Variants in SPTAN1 observed in about 807,000 individuals in gnomAD.
SPTAN1 encodes the protein spectrin alpha, non-erythrocytic 1, also known as spectrin alpha chain, non-erythrocytic 1.
Under a neutral mutation model 331.3 loss-of-function variants are expected in SPTAN1, and 61 were observed. That is an observed-to-expected ratio of 0.18 (90% CI 0.15 to 0.23). The LOEUF (loss-of-function observed/expected upper bound fraction) is 0.23, where lower values mean the gene tolerates loss of function less well. Among genes scored for constraint, SPTAN1 ranks in the 10% least tolerant of loss-of-function variants. The pLI, the probability that SPTAN1 is intolerant of heterozygous loss-of-function variation, is 1.00. For missense variants in SPTAN1, 2,043 were observed against 3,147.9 expected (o/e 0.65, Z 8.40); for synonymous variants, 1,153 against 1,173.9 (o/e 0.98, Z 0.36).
chr9:128,598,290 A>C, intron 24 of SPTAN1, 110 bp from the exon 25 acceptor site: 1 of 669,310 alleles, frequency 1.5e-6, no homozygotes, highest in East Asian at 3.3e-5. Flanking sequence ...TTTTTTTGGT[A>C]GGCCTCTGTA....
rs1890102 is a variant in SPTAN1, at chr9:128,554,295, A to G, written c.-4+1599A>G. Among the ~76,000 whole-genome samples the G allele has an allele frequency of 3.5e-3, 536 of 152,258 alleles. 2 individuals are homozygous for G. Among genetic ancestry groups the G allele is most frequent in the Middle Eastern group, 0.01 (3 of 294 alleles). ...TCTTATGGCAAACCATCAGCCTAGTAACTGATTCTCTGATATGCTTTGGTC... is the reference window on the plus strand; with the variant it reads ...TCTTATGGCAAACCATCAGCCTAGTGACTGATTCTCTGATATGCTTTGGTC... On this transcript the variant is annotated intron_variant, in intron 1 of 56. Coordinates refer to ENST00000372739, the MANE Select transcript of SPTAN1 (RefSeq NM_001130438.3).
chr9:128,628,198 T>G (rs1299651781), intron 51 of SPTAN1: 1 of 656,530 alleles, frequency 1.5e-6, no homozygotes, highest in Non-Finnish European at 2.8e-6. Context: ...GGGCTCACTT[T>G]GGGTAGGGAA....
intron 1 of SPTAN1, among the ~76,000 whole-genome samples, chr9:128,562,250 G>T (rs1849463166): frequency 6.6e-6 from 1 of 152,150 alleles, no homozygotes; most frequent in East Asian, 1.9e-4. Flanking sequence ...CTACAGGCGC[G>T]TGCCACCACA....
intron 32 of SPTAN1, 48 bp downstream of exon 32, chr9:128,607,751 G>A: frequency 6.2e-7 from 1 of 1,611,086 alleles, no homozygotes. Context: ...TGCTCTGCAG[G>A]GCCCTAGAGG....
chr9:128,607,904 A>T lies in SPTAN1; in HGVS notation c.4199A>T (p.Gln1400Leu), dbSNP rs143108250. Residue 1400 changes from glutamine (Q) to leucine (L), a missense_variant, in exon 33 of 57, where the codon CAG becomes CTG. By Grantham distance (113) the Gln-to-Leu change is moderately radical. Transcript: ENST00000372739. ...GCTGGCACTTTCCAGGCATTTGAGC[A>T]GTTTGGACAGCAGCTGTTGGCTCAC... ...ARAGTFQAFE[Q>L]FGQQLLAHGH... is the part of the protein sequence containing the mutation. 1.2e-4 allele frequency: 198 copies of T among 1,614,036 alleles called. 1 individual carries two copies. In the African/African-American group the frequency reaches 2.4e-3, roughly 20 times the overall value.
At position 128,627,281 on chromosome 9, in the gene SPTAN1, A is replaced by T; in HGVS notation, c.6577-105A>T. On this transcript the variant is annotated intron_variant, in intron 49 of 56. Transcript: ENST00000372739. This position sits in a 1 kb window ranked among gnomAD's most constrained non-coding sequence, Gnocchi z 4.9. ...CAGCCTCCTCCTCTCATCTTTGGGG[A>T]GGTTCCTTGTGGGGAGGCCACCACC... is the stretch of plus-strand genomic sequence containing the variant. 6.3e-6 allele frequency: 6 copies of T among 946,958 alleles called. No homozygotes were observed. Among genetic ancestry groups the T allele is most frequent in the South Asian group, 1.5e-5 (1 of 66,302 alleles). 58.7% of individuals were successfully genotyped at this position (946,958 alleles called of 1,614,324 possible).
intron 10 of SPTAN1, 63 bp downstream of exon 10, chr9:128,579,801 C>T (rs1851722373): frequency 7.7e-7 from 1 of 1,301,452 alleles, no homozygotes; most frequent in Non-Finnish European, 1.1e-6. Context: ...TCTCTGAAAG[C>T]TATTATTCAT....
intron 10 of SPTAN1, 24 bp from the exon 11 acceptor site, chr9:128,580,898 G>T: frequency 6.2e-7 from 1 of 1,612,022 alleles, no homozygotes; most frequent in South Asian, 1.1e-5. Flanking sequence ...TCATCTCCCT[G>T]ACCATGTCTC....
At chr9:128,564,165 A>C (rs1437121676) in intron 1 of SPTAN1, among the ~76,000 whole-genome samples, 2 of 152,160 alleles carry the variant, frequency 1.3e-5, no homozygotes, top group African/African-American at 2.4e-5. Context: ...TCACGCCTGT[A>C]ATCTTAGCAC....
chr9:128,585,943 G>A lies in SPTAN1; in HGVS notation c.2756G>A (p.Gly919Asp). ...KEPIVGSTDYGKDEDSAEALL... is the reference protein window; with the variant it reads ...KEPIVGSTDYDKDEDSAEALL... ...CCCATTGTGGGCAGCACTGACTATGGCAAGGACGAAGACTCTGCTGAGGTA... is the reference window on the plus strand; with the variant it reads ...CCCATTGTGGGCAGCACTGACTATGACAAGGACGAAGACTCTGCTGAGGTA... Residue 919 changes from glycine (G) to aspartate (D), a missense_variant, in exon 19 of 57, where the codon GGC becomes GAC. Coordinates refer to ENST00000372739, the MANE Select transcript of SPTAN1 (RefSeq NM_001130438.3). 6.2e-7 allele frequency: 1 copy of A among 1,612,836 alleles called. No homozygotes were observed. Among genetic ancestry groups the A allele is most frequent in the Non-Finnish European group, 8.5e-7 (1 of 1,180,032 alleles).
At chr9:128,631,214 T>C (rs1461304531) in intron 52 of SPTAN1, among the ~76,000 whole-genome samples, 2 of 151,086 alleles carry the variant, frequency 1.3e-5, no homozygotes, top group African/African-American at 4.9e-5. Flanking sequence ...TCCCAGCACT[T>C]TGGGAAGCCG....
chr9:128,627,202 G>T lies in SPTAN1; in HGVS notation c.6577-184G>T, dbSNP rs547293141. ...TCCGCCTCTTCCTTGAAGCCCCTGG[G>T]GGGTGGGAACAGAGAAAGAACTACC... On this transcript the variant is annotated intron_variant, in intron 49 of 56. Coordinates refer to ENST00000372739, the MANE Select transcript of SPTAN1 (RefSeq NM_001130438.3). This position sits in a 1 kb window ranked among gnomAD's most constrained non-coding sequence, Gnocchi z 4.9. The T allele has an allele frequency of 3.5e-5, 23 of 654,970 alleles. No homozygotes were observed. Among genetic ancestry groups the T allele is most frequent in the Non-Finnish European group, 2.8e-5 (10 of 361,630 alleles). 40.6% of individuals were successfully genotyped at this position (654,970 alleles called of 1,614,324 possible).
chr9:128,570,322 A>G (rs1564199448), intron 3 of SPTAN1, among the ~76,000 whole-genome samples: 1 of 33,582 alleles, frequency 3.0e-5, no homozygotes, highest in Admixed American at 4.1e-4. Flanking sequence ...ATATATATAT[A>G]TATATATATT....
At chr9:128,557,133 A>T (rs183734316) in intron 1 of SPTAN1, among the ~76,000 whole-genome samples, 25 of 152,340 alleles carry the variant, frequency 1.6e-4, no homozygotes, top group Admixed American at 1.6e-3. Flanking sequence ...ATTTTTCCAT[A>T]ACCAAATGAC....
At chr9:128,564,580 C>CAAACAAAT (rs1849794494) in intron 1 of SPTAN1, among the ~76,000 whole-genome samples, 2 of 150,914 alleles carry the variant, frequency 1.3e-5, no homozygotes, top group African/African-American at 2.4e-5. Context: ...GTCTCAAAAA[C>CAAACAAAT]AAATAAATAA....
In SPTAN1 at chr9:128,582,741, G is replaced by A. The variant is rs2131129556; in HGVS notation, c.1698G>A (p.Arg566=). The A allele has an allele frequency of 1.9e-6, 3 of 1,614,008 alleles. No individual in the cohort carries two copies. Among genetic ancestry groups the A allele is most frequent in the Non-Finnish European group, 2.5e-6 (3 of 1,180,032 alleles). The change falls in exon 14 of 57, where the codon CGG becomes CGA. Residue 566 remains arginine (R), a synonymous_variant. Coordinates refer to ENST00000372739, the MANE Select transcript of SPTAN1 (RefSeq NM_001130438.3). The part of the protein sequence containing the change: ...NALHERAMRR[R]AQLADSFHLQ... ...TTCACGAGAGAGCCATGCGTCGCCGGGCCCAGCTAGCCGATTCTTTCCATC... is the reference window on the plus strand; with the variant it reads ...TTCACGAGAGAGCCATGCGTCGCCGAGCCCAGCTAGCCGATTCTTTCCATC...
In SPTAN1 at chr9:128,633,237, G is replaced by T; in HGVS notation, c.7337G>T (p.Cys2446Phe). The T allele has an allele frequency of 1.2e-6, 2 of 1,614,054 alleles. No individual in the cohort carries two copies. Among genetic ancestry groups the T allele is most frequent in the Non-Finnish European group, 1.7e-6 (2 of 1,180,028 alleles). Reference sequence around the variant, plus strand: ...CTGACCCGGGAACAAGCCGACTACTGCGTCTCCCACATGAAGCCCTACGTG... The same window carrying T: ...CTGACCCGGGAACAAGCCGACTACTTCGTCTCCCACATGAAGCCCTACGTG... ...QNLTREQADY[C>F]VSHMKPYVDG... is the part of the protein sequence containing the mutation. Residue 2446 changes from cysteine (C) to phenylalanine (F), a missense_variant, in exon 57 of 57, where the codon TGC (cysteine) becomes TTC (phenylalanine). Cys to Phe is a radical substitution (Grantham distance 205). Coordinates refer to ENST00000372739, the MANE Select transcript of SPTAN1 (RefSeq NM_001130438.3).
chr9:128,577,405 T>C lies in SPTAN1; in HGVS notation c.984T>C (p.Ser328=). ...GCCTGCAACAGTCCCACCCTCTGAGTGCAACACAGATTCAAGTGAAGCGAG... is the reference window on the plus strand; with the variant it reads ...GCCTGCAACAGTCCCACCCTCTGAGCGCAACACAGATTCAAGTGAAGCGAG... ...ADRLQQSHPL[S]ATQIQVKREE... is the part of the protein sequence containing the mutation. The change falls in exon 8 of 57, where the codon AGT becomes AGC. Residue 328 remains serine (S), a synonymous_variant. Transcript: ENST00000372739. The surrounding 1 kb of genome is among the most constrained non-coding windows in gnomAD (Gnocchi z 4.2). 1 of 1,614,160 alleles carries C rather than the reference T, an allele frequency of 6.2e-7. No individual in the cohort carries two copies. Among genetic ancestry groups the C allele is most frequent in the Non-Finnish European group, 8.5e-7 (1 of 1,180,014 alleles).
chr9:128,628,308 C>T, intron 51 of SPTAN1: 1 of 404,896 alleles, frequency 2.5e-6, no homozygotes, highest in Non-Finnish European at 4.7e-6. Context: ...CTCTGCTTCC[C>T]CAGCGAGTCC....
Sources: allele counts gnomAD v4.1 joint callset (sites outside exome capture counted in the v4.1 genomes callset), GRCh38; gene constraint gnomAD v4.1.1; non-coding constraint Gnocchi (gnomAD v3.1); transcripts MANE v1.5; gene names NCBI Gene and HGNC (gene_info 2026-07-23, HGNC 2026-07-21).